RIC1: variants seen among roughly 807,000 people sequenced by gnomAD.
RIC1 encodes guanine nucleotide exchange factor subunit RIC1.
In RIC1, 88 loss-of-function variants were observed where a neutral mutation model predicts 169.0. The ratio of observed to expected loss-of-function variants is 0.52; its 90% CI spans 0.44 to 0.62. The LOEUF (loss-of-function observed/expected upper bound fraction) is 0.62, where lower values mean the gene tolerates loss of function less well. Ranked by LOEUF, RIC1 falls within the 20% of genes least tolerant of loss-of-function variation. The pLI is 0.00. For missense variants in RIC1, 1,877 were observed against 1,725.5 expected (o/e 1.09, Z -1.56); for synonymous variants, 790 against 601.5 (o/e 1.31, Z -4.59).
At chr9:5,742,798 GAAA>G in intron 8 of RIC1, 68 bp from the exon 9 acceptor site, 35 of 1,022,148 alleles carry the variant, frequency 3.4e-5, no homozygotes, top group Non-Finnish European at 3.8e-5. Flanking sequence ...GATTGTATTT[GAAA>G]AAAAAAAAAA....
intron 7 of RIC1, among the ~76,000 whole-genome samples, chr9:5,733,354 C>A (rs1408628497): frequency 1.3e-5 from 2 of 151,428 alleles, no homozygotes; most frequent in East Asian, 3.9e-4. Context: ...AGCTCCGTCT[C>A]CTGGGTTCAC....
intron 1 of RIC1, among the ~76,000 whole-genome samples, chr9:5,647,557 T>C (rs1818579611): frequency 6.6e-6 from 1 of 152,226 alleles, no homozygotes; most frequent in Non-Finnish European, 1.5e-5. Context: ...CTTTATTCTT[T>C]TTGATGTTAC....
chr9:5,688,709 A>G (rs1489814589), intron 2 of RIC1, among the ~76,000 whole-genome samples: 1 of 152,200 alleles, frequency 6.6e-6, no homozygotes, highest in East Asian at 1.9e-4. Context: ...TGAAGAAACT[A>G]AGTATTTTCT....
intron 10 of RIC1, among the ~76,000 whole-genome samples, chr9:5,745,211 G>C (rs1013113621): frequency 6.6e-6 from 1 of 152,030 alleles, no homozygotes; most frequent in African/African-American, 2.4e-5. Context: ...TTTATCATAG[G>C]AAAACATAAA....
intron 17 of RIC1, among the ~76,000 whole-genome samples, chr9:5,761,552 T>G (rs761279297): frequency 6.6e-6 from 1 of 152,300 alleles, no homozygotes; most frequent in South Asian, 2.1e-4. Context: ...AAAGGGAAAC[T>G]CTTTGGTTTT....
rs539969354 is a variant in RIC1 at position 5,698,328 on chromosome 9, C to T, written c.332+8290C>T. Reference sequence around the variant, plus strand: ...TTGTGGTTTGATTTTTGGTTTTTACCAATTTGATGAGAAATTACTCCCCGC... The same window carrying T: ...TTGTGGTTTGATTTTTGGTTTTTACTAATTTGATGAGAAATTACTCCCCGC... On this transcript the variant is annotated intron_variant, in intron 3 of 25. Transcript: ENST00000414202. Among the ~76,000 whole-genome samples the T allele has an allele frequency of 6.6e-5, 10 of 152,146 alleles. No homozygotes were observed. The South Asian group carries it at 2.1e-3, about 32-fold the overall frequency.
intron 2 of RIC1, among the ~76,000 whole-genome samples, chr9:5,682,885 ACTTCT>A (rs756492648): frequency 3.3e-5 from 5 of 151,072 alleles, no homozygotes; most frequent in South Asian, 2.1e-4. Context: ...TTTTCTCTAC[ACTTCT>A]CTTCTCGCTT....
rs745377268 is a variant in RIC1, at chr9:5,765,468, G to A, written c.2896G>A (p.Ala966Thr). Residue 966 changes from alanine (A) to threonine (T), a missense_variant, in exon 20 of 26, where the codon GCA (alanine) becomes ACA (threonine). Transcript: ENST00000414202. The stretch of plus-strand genomic sequence containing the variant: ...ACATGCTACCCTTCTATTCAACACA[G>A]CACTAGAACAAGGCAAGTGGGACCT... The part of the protein sequence containing the change: ...RQHATLLFNT[A>T]LEQGKWDLCR... 3 of 1,614,144 alleles carry A rather than the reference G, an allele frequency of 1.9e-6. No individual in the cohort carries two copies. In the South Asian group the frequency reaches 3.3e-5, roughly 18 times the overall value.
At position 5,763,498 on chromosome 9, in the gene RIC1, C is replaced by G; in HGVS notation, c.2471C>G (p.Ser824Cys). The stretch of plus-strand genomic sequence containing the variant: ...CCTTTCTGTGTTGTGGAGAGAACCT[C>G]TCAGATCTACCTCCACCACATTCTA... ...LFPFCVVERTSQIYLHHILRQ... is the reference protein window; with the variant it reads ...LFPFCVVERTCQIYLHHILRQ... Residue 824 changes from serine to cysteine, a missense_variant, in exon 19 of 26, where the codon TCT (serine) becomes TGT (cysteine). Physicochemically the swap from Ser to Cys is moderately radical, Grantham distance 112. Transcript: ENST00000414202. The surrounding 1 kb of genome is among the most constrained non-coding windows in gnomAD (Gnocchi z 5.2). The G allele has an allele frequency of 5.0e-6, 8 of 1,614,182 alleles. No homozygotes were observed. The highest frequency in any genetic ancestry group is 5.9e-6 in the Non-Finnish European group (7 of 1,180,018).
At chr9:5,679,392 T>C (rs1210725796) in intron 2 of RIC1, among the ~76,000 whole-genome samples, 1 of 152,214 alleles carries the variant, frequency 6.6e-6, no homozygotes, top group Non-Finnish European at 1.5e-5. Flanking sequence ...CATTGGTAGC[T>C]TGATGGGGAT....
chr9:5,732,192 G>A (rs186410358), intron 6 of RIC1, among the ~76,000 whole-genome samples, 196 bp from the exon 7 acceptor site: 96 of 152,306 alleles, frequency 6.3e-4, no homozygotes, highest in African/African-American at 2.2e-3. Flanking sequence ...TTCATGAGAA[G>A]TTTGAGGTTT....
chr9:5,647,208 T>C (rs1818561444), intron 1 of RIC1, among the ~76,000 whole-genome samples: 1 of 152,216 alleles, frequency 6.6e-6, no homozygotes, highest in Non-Finnish European at 1.5e-5. Flanking sequence ...GTATTTTGAT[T>C]GCTGTAGTCT....
intron 2 of RIC1, among the ~76,000 whole-genome samples, chr9:5,658,345 A>C (rs757238806): frequency 9.9e-5 from 15 of 152,124 alleles, no homozygotes; most frequent in Non-Finnish European, 1.6e-4. Context: ...AGTTAGAAGA[A>C]TTAAAAAATT....
chr9:5,723,462 T>A (rs1274069528), intron 6 of RIC1, among the ~76,000 whole-genome samples: 1 of 152,218 alleles, frequency 6.6e-6, no homozygotes, highest in East Asian at 1.9e-4. Context: ...ATATTAGCCC[T>A]TTGTCAGATG....
At chr9:5,644,199 G>A (rs938511580) in intron 1 of RIC1, among the ~76,000 whole-genome samples, 13 of 152,110 alleles carry the variant, frequency 8.5e-5, no homozygotes, top group Admixed American at 2.6e-4. Flanking sequence ...GCCTTAAAAA[G>A]TACTATGCCC....
In RIC1 at chr9:5,658,491, T is replaced by A. The variant is rs186152038; in HGVS notation, c.252+1801T>A. On this transcript the variant is annotated intron_variant, in intron 2 of 25. Transcript: ENST00000414202. ...ACTGCTCAGTTGTAAATTTCAGTGG[T>A]CCATGTGAAGTATGAATTGACTAAG... Among the ~76,000 whole-genome samples the A allele has an allele frequency of 4.8e-3, 737 of 152,194 alleles. 23 individuals carry two copies. Among genetic ancestry groups the A allele is most frequent in the Admixed American group, 0.045 (683 of 15,290 alleles).
At chr9:5,751,643 C>T (rs764399380) in intron 12 of RIC1, among the ~76,000 whole-genome samples, 11 of 152,180 alleles carry the variant, frequency 7.2e-5, no homozygotes, top group Non-Finnish European at 8.8e-5. Context: ...GCATGAGCCA[C>T]GGTGCCTGGC....
intron 1 of RIC1, among the ~76,000 whole-genome samples, chr9:5,640,223 G>C (rs1341405212): frequency 6.6e-6 from 1 of 152,094 alleles, no homozygotes; most frequent in Admixed American, 6.5e-5. Flanking sequence ...TATGTTTTGT[G>C]TATCTGTTGT....
chr9:5,769,135 C>T lies in RIC1; in HGVS notation c.3303C>T (p.Ala1101=), dbSNP rs753665520. 1.3e-5 allele frequency: 21 copies of T among 1,614,088 alleles called. No individual in the cohort carries two copies. The highest frequency in any genetic ancestry group is 1.6e-4 in the Middle Eastern group (1 of 6,062). The stretch of plus-strand genomic sequence containing the variant: ...GGCTATGCAAGGAACGTACCCGAGC[C>T]GCCCGGGTAGACAACTTTGTAATAG... The part of the protein sequence containing the change: ...ISWLCKERTR[A]ARVDNFVIAL... Residue 1101 remains alanine, a synonymous_variant, in exon 22 of 26, where the codon GCC becomes GCT. Coordinates refer to ENST00000414202, the MANE Select transcript of RIC1 (RefSeq NM_020829.4).
Sources: allele counts gnomAD v4.1 joint callset (sites outside exome capture counted in the v4.1 genomes callset), GRCh38; gene constraint gnomAD v4.1.1; non-coding constraint Gnocchi (gnomAD v3.1); transcripts MANE v1.5; gene names NCBI Gene and HGNC (gene_info 2026-07-23, HGNC 2026-07-21).